TOR1A: variants seen among roughly 807,000 people sequenced by gnomAD.
TOR1A encodes torsin family 1 member A.
Under a neutral mutation model 31.4 loss-of-function variants are expected in TOR1A, and 18 were observed. That is an observed-to-expected ratio of 0.57 (90% CI 0.40 to 0.85). The LOEUF (loss-of-function observed/expected upper bound fraction) is 0.85, where lower values mean the gene tolerates loss of function less well. TOR1A is among the 40% of genes least tolerant of loss of function. The pLI is 0.00. For synonymous variants in TOR1A, 168 were observed against 165.9 expected (o/e 1.01, Z -0.10); for missense variants, 375 against 416.4 (o/e 0.90, Z 0.87).
At position 129,823,913 on chromosome 9, in the gene TOR1A, C is replaced by A; in HGVS notation, c.173G>T (p.Arg58Leu). The A allele has an allele frequency of 6.3e-6, 10 of 1,589,912 alleles. No homozygotes were observed. Among genetic ancestry groups the A allele is most frequent in the Non-Finnish European group, 8.5e-6 (10 of 1,169,622 alleles). Residue 58 changes from arginine (R) to leucine (L), a missense_variant, in exon 1 of 5, where the codon CGG becomes CTG. Physicochemically the swap from Arg to Leu is moderately radical, Grantham distance 102. Transcript: ENST00000351698. ...CAGCCCCCGCCCCAGCCTACCCTCCCGGCTAAGGCTCCGCTTCTGCCCGCA... is the reference window on the plus strand; with the variant it reads ...CAGCCCCCGCCCCAGCCTACCCTCCAGGCTAAGGCTCCGCTTCTGCCCGCA... ...ECCGQKRSLSREALQKDLDDN... is the reference protein window; with the variant it reads ...ECCGQKRSLSLEALQKDLDDN...
At chr9:129,822,515 A>G (rs192034174) in intron 2 of TOR1A, 66 bp downstream of exon 2, 615 of 1,602,906 alleles carry the variant, frequency 3.8e-4, no homozygotes, top group Middle Eastern at 2.6e-3. Flanking sequence ...CCCAAATCTC[A>G]TCCCACAACA....
At chr9:129,817,653 C>G (rs184862066) in intron 4 of TOR1A, among the ~76,000 whole-genome samples, 9 of 148,434 alleles carry the variant, frequency 6.1e-5, no homozygotes, top group Non-Finnish European at 1.0e-4. Context: ...GAGCCGAGAT[C>G]GCGCCACTGC....
intron 2 of TOR1A, 162 bp downstream of exon 2, chr9:129,822,419 C>A: frequency 1.0e-6 from 1 of 977,386 alleles, no homozygotes; most frequent in Non-Finnish European, 1.6e-6. Flanking sequence ...CTGCTCCACG[C>A]ATCTCAAACT....
rs777835793 is a variant in TOR1A, at chr9:129,824,061, C to T, written c.25G>A (p.Gly9Ser). Residue 9 changes from glycine to serine, a missense_variant, in exon 1 of 5, where the codon GGC becomes AGC. Gly to Ser is a moderately conservative substitution (Grantham distance 56, BLOSUM62 0). Transcript: ENST00000351698. MKLGRAVL[G>S]LLLLAPSVVQ... ...ACGGACGGCGCCAGCAGCAGCAGGC[C>T]CAGCACGGCCCGGCCCAGCTTCATG... The T allele has an allele frequency of 6.3e-7, 1 of 1,596,536 alleles. No homozygotes were observed. The highest frequency in any genetic ancestry group is 1.1e-5 in the South Asian group (1 of 89,142).
intron 4 of TOR1A, among the ~76,000 whole-genome samples, chr9:129,814,765 G>T (rs1352950287): frequency 6.6e-6 from 1 of 151,718 alleles, no homozygotes; most frequent in Non-Finnish European, 1.5e-5. Flanking sequence ...GAAGCAAGAA[G>T]AATTCCCGGG....
intron 2 of TOR1A, 50 bp downstream of exon 2, chr9:129,822,531 A>C (rs780579697): frequency 6.2e-7 from 1 of 1,611,802 alleles, no homozygotes; most frequent in South Asian, 1.1e-5. Context: ...CAACAAAGAG[A>C]CCCCAAACCC....
At position 129,818,652 on chromosome 9, in the gene TOR1A, A is replaced by G. The variant is rs750303566; in HGVS notation, c.621-5T>C. 4 of 1,614,238 alleles carry G rather than the reference A, an allele frequency of 2.5e-6. No homozygotes were observed. The highest frequency in any genetic ancestry group is 3.4e-6 in the Non-Finnish European group (4 of 1,180,044). ...ATCCTTTCTGCTCCAGCATTGCTGC[A>G]AAACAATCCCAGTGGGTAAGGACAG... On this transcript the variant is annotated splice_polypyrimidine_tract_variant and splice_region_variant and intron_variant, in intron 3 of 4. Coordinates refer to ENST00000351698, the MANE Select transcript of TOR1A (RefSeq NM_000113.3).
chr9:129,813,798 G>A lies in TOR1A; in HGVS notation c.*174C>T, dbSNP rs1172299102. 5 of 978,270 alleles carry A rather than the reference G, an allele frequency of 5.1e-6. No homozygotes were observed. Among genetic ancestry groups the A allele is most frequent in the Non-Finnish European group, 6.2e-6 (4 of 645,110 alleles). The allele number at this position is 978,270 out of a possible 1,614,324, so 60.6% of individuals were successfully genotyped here. A position where few individuals can be genotyped will look rare whatever the true frequency, so the allele number is the denominator to read the frequency against. On this transcript the variant is annotated 3_prime_UTR_variant, in exon 5 of 5. Transcript: ENST00000351698. ...CGTCCTCGCCCGTGGTCCCTGGGTG[G>A]CCTGCAGGCACCAGGGGGTGGAAAC... is the stretch of plus-strand genomic sequence containing the variant.
intron 2 of TOR1A, 58 bp from the exon 3 acceptor site, chr9:129,818,978 T>A: frequency 6.3e-7 from 1 of 1,583,080 alleles, no homozygotes; most frequent in Non-Finnish European, 8.6e-7. Context: ...ATCAATCAGC[T>A]CCTTCTACCA....
At position 129,813,904 on chromosome 9, in the gene TOR1A, G is replaced by C; in HGVS notation, c.*68C>G. 2 of 1,590,180 alleles carry C rather than the reference G, an allele frequency of 1.3e-6. No individual in the cohort carries two copies. Among genetic ancestry groups the C allele is most frequent in the Admixed American group, 1.7e-5 (1 of 59,996 alleles). ...CCAGGGAAAGGAGCTGGGGGTGGAA[G>C]TGTGGAAGGACTGAGTGTTGTTTCT... On this transcript the variant is annotated 3_prime_UTR_variant, in exon 5 of 5. Coordinates refer to ENST00000351698, the MANE Select transcript of TOR1A (RefSeq NM_000113.3).
At chr9:129,814,246 G>C in intron 4 of TOR1A, 24 bp from the exon 5 acceptor site, 1 of 1,613,804 alleles carries the variant, frequency 6.2e-7, no homozygotes, top group Non-Finnish European at 8.5e-7. Context: ...ACAAGGTGCT[G>C]TTCATCCACA....
intron 2 of TOR1A, among the ~76,000 whole-genome samples, chr9:129,820,837 G>A (rs112588883): frequency 1.1e-4 from 17 of 152,144 alleles, no homozygotes; most frequent in Non-Finnish European, 5.9e-5. Flanking sequence ...GAGCTCAAGG[G>A]ATCAGCCGGT....
intron 2 of TOR1A, among the ~76,000 whole-genome samples, chr9:129,820,045 T>C (rs769321326): frequency 6.6e-6 from 1 of 152,108 alleles, no homozygotes; most frequent in African/African-American, 2.4e-5. Context: ...TTTCTCACTC[T>C]GGTGACCAAA....
intron 2 of TOR1A, among the ~76,000 whole-genome samples, chr9:129,819,213 C>A (rs960587214): frequency 6.6e-6 from 1 of 152,218 alleles, no homozygotes; most frequent in African/African-American, 2.4e-5. Flanking sequence ...AAGCCCGATA[C>A]TTTGGTTACG....
intron 1 of TOR1A, 130 bp from the exon 2 acceptor site, chr9:129,822,976 G>A (rs1474648077): frequency 3.0e-6 from 4 of 1,333,858 alleles, no homozygotes; most frequent in Admixed American, 3.8e-5. Context: ...CTCAAGTACT[G>A]CGGTCTGTAA....
chr9:129,822,969 A>C, intron 1 of TOR1A, 123 bp from the exon 2 acceptor site: 2 of 1,387,244 alleles, frequency 1.4e-6, no homozygotes, highest in Non-Finnish European at 2.0e-6. Flanking sequence ...GCGAAACCTC[A>C]AGTACTGCGG....
Position 129,818,585 on chromosome 9 carries a change from C to A in TOR1A, c.683G>T (p.Arg228Met). 2 of 1,614,232 alleles carry A rather than the reference C, an allele frequency of 1.2e-6. No homozygotes were observed. The highest frequency in any genetic ancestry group is 1.7e-6 in the Non-Finnish European group (2 of 1,180,038). ...ALDFWRSGKQREDIKLKDIEH... is the reference protein window; with the variant it reads ...ALDFWRSGKQMEDIKLKDIEH... ...AATGTCTTTGAGCTTGATGTCTTCC[C>A]TCTGCTTTCCACTCCTCCAGAAATC... is the stretch of plus-strand genomic sequence containing the variant. The change falls in exon 4 of 5, where the codon AGG becomes ATG. Residue 228 changes from arginine (R) to methionine (M), a missense_variant. Transcript: ENST00000351698.
In TOR1A at chr9:129,813,377, A is replaced by C. The variant is rs1018495575; in HGVS notation, c.*595T>G. On this transcript the variant is annotated 3_prime_UTR_variant, in exon 5 of 5. Transcript: ENST00000351698. The stretch of plus-strand genomic sequence containing the variant: ...CTCTTACCTACTTGTCCTTCACCTA[A>C]ACACTTCACTGCCCCTGGCAGCATC... The C allele has an allele frequency of 1.1e-5, 2 of 174,762 alleles. No individual in the cohort carries two copies. Among genetic ancestry groups the C allele is most frequent in the African/African-American group, 4.8e-5 (2 of 41,620 alleles). The allele number at this position is 174,762 out of a possible 1,614,324, so 10.8% of individuals were successfully genotyped here. A position where few individuals can be genotyped will look rare whatever the true frequency, so the allele number is the denominator to read the frequency against.
chr9:129,814,163 G>A lies in TOR1A; in HGVS notation c.808C>T (p.Leu270Phe), dbSNP rs759489731. The A allele has an allele frequency of 1.7e-5, 28 of 1,614,132 alleles. No individual in the cohort carries two copies. Among genetic ancestry groups the A allele is most frequent in the Non-Finnish European group, 2.3e-5 (27 of 1,180,032 alleles). The part of the protein sequence containing the change: ...RNLIDYFVPF[L>F]PLEYKHLKMC... The stretch of plus-strand genomic sequence containing the variant: ...TTTAGGTGTTTGTATTCCAGGGGGA[G>A]GAAGGGAACAAAATAATCAATGAGG... The change falls in exon 5 of 5, where the codon CTC becomes TTC. Residue 270 changes from leucine to phenylalanine, a missense_variant. Physicochemically the swap from Leu to Phe is conservative, Grantham distance 22. Coordinates refer to ENST00000351698, the MANE Select transcript of TOR1A (RefSeq NM_000113.3).
Sources: allele counts gnomAD v4.1 joint callset (sites outside exome capture counted in the v4.1 genomes callset), GRCh38; gene constraint gnomAD v4.1.1; transcripts MANE v1.5; gene names NCBI Gene and HGNC (gene_info 2026-07-23, HGNC 2026-07-21).